SLC25A15: variants seen among roughly 807,000 people sequenced by gnomAD.
The protein encoded by SLC25A15 is solute carrier family 25 member 15, also known as mitochondrial ornithine transporter 1.
A neutral mutation model predicts 32.3 loss-of-function variants in SLC25A15; 24 were observed. That is an observed-to-expected ratio of 0.74 (90% confidence interval 0.54 to 1.04). The LOEUF is 1.04. SLC25A15 is among the 50% of genes least tolerant of loss of function. The pLI, the probability that SLC25A15 is intolerant of heterozygous loss-of-function variation, is 0.00. For synonymous variants in SLC25A15, 132 were observed against 142.1 expected (o/e 0.93, Z 0.51); for missense variants, 317 against 374.5 (o/e 0.85, Z 1.27).
intron 2 of SLC25A15, chr13:40,798,622 T>G: frequency 4.2e-6 from 1 of 238,528 alleles, no homozygotes; most frequent in African/African-American, 2.3e-5. Context: ...GTTTACTGAT[T>G]ACGTAGCCGG....
intron 4 of SLC25A15, among the ~76,000 whole-genome samples, chr13:40,805,775 CT>C (rs1315439634): frequency 2.0e-5 from 3 of 152,200 alleles, no homozygotes; most frequent in Admixed American, 1.3e-4. Context: ...TTAATCAATA[CT>C]TTTATAAGCA....
Position 40,796,162 on chromosome 13 carries a change from G to A in SLC25A15, c.55+2881G>A, listed in dbSNP as rs564852975. Among the ~76,000 whole-genome samples the A allele has an allele frequency of 5.5e-4, 84 of 152,332 alleles. No individual in the cohort carries two copies. In the South Asian group the frequency reaches 0.017, roughly 30 times the overall value. On this transcript the variant is annotated intron_variant, in intron 2 of 6. Transcript: ENST00000338625. ...CGATCCATCTGTAAGCACAGAGCCA[G>A]CTGCAGCCCGAGGTGATGTGGATGG...
At chr13:40,794,963 C>G (rs1258720218) in intron 2 of SLC25A15, among the ~76,000 whole-genome samples, 3 of 152,200 alleles carry the variant, frequency 2.0e-5, no homozygotes, top group African/African-American at 7.2e-5. Context: ...GTCACCGTCA[C>G]CGAGCCTAAT....
intron 5 of SLC25A15, 101 bp downstream of exon 5, chr13:40,807,564 T>C: frequency 3.0e-6 from 4 of 1,332,332 alleles, no homozygotes; most frequent in Non-Finnish European, 4.3e-6. Context: ...CCTCCCCACA[T>C]TGGTGGCTCC....
At position 40,793,140 on chromosome 13, in the gene SLC25A15, A is replaced by G. The variant is rs1290801207; in HGVS notation, c.-69-18A>G. On this transcript the variant is annotated intron_variant, in intron 1 of 6. Coordinates refer to ENST00000338625, the MANE Select transcript of SLC25A15 (RefSeq NM_014252.4). ...TGCTGCAGACTTGGACTAATGGTGAACTCTTGCCTCCCCCCAGGGATATGT... is the reference window on the plus strand; with the variant it reads ...TGCTGCAGACTTGGACTAATGGTGAGCTCTTGCCTCCCCCCAGGGATATGT... The G allele has an allele frequency of 1.5e-6, 2 of 1,357,654 alleles. No homozygotes were observed. The highest frequency in any genetic ancestry group is 2.1e-6 in the Non-Finnish European group (2 of 952,768). 84.1% of individuals were successfully genotyped at this position (1,357,654 alleles called of 1,614,324 possible). A position where few individuals can be genotyped will look rare whatever the true frequency, so the allele number is the denominator to read the frequency against.
rs111506631 is a variant in SLC25A15 at position 40,812,319 on chromosome 13, ATT to A, written c.*2661_*2662del. Among the ~76,000 whole-genome samples, 1 of 150,258 alleles carries A rather than the reference ATT, an allele frequency of 6.7e-6. No individual in the cohort carries two copies. Among genetic ancestry groups the A allele is most frequent in the Non-Finnish European group, 1.5e-5 (1 of 67,454 alleles). ...GAACGGAAACTTAGGTTGGGAGAAT[ATT>A]TTTTTTTTATTCATTCTGTTTGCTT... On this transcript the variant is annotated 3_prime_UTR_variant, in exon 7 of 7. Coordinates refer to ENST00000338625, the MANE Select transcript of SLC25A15 (RefSeq NM_014252.4).
At position 40,809,964 on chromosome 13, in the gene SLC25A15, C is replaced by A. The variant is rs1289380445; in HGVS notation, c.*297C>A. ...AAGGTGGAATATAGTTCTGTCAGGG[C>A]TTTTACGTAAACCTCCACTTGTACA... On this transcript the variant is annotated 3_prime_UTR_variant, in exon 7 of 7. Transcript: ENST00000338625. The A allele has an allele frequency of 5.0e-6, 2 of 400,628 alleles. No individual in the cohort carries two copies. The highest frequency in any genetic ancestry group is 9.4e-6 in the Non-Finnish European group (2 of 212,840). The allele number at this position is 400,628 out of a possible 1,614,324, so 24.8% of individuals were successfully genotyped here.
At position 40,799,635 on chromosome 13, in the gene SLC25A15, C is replaced by T. The variant is rs1380567237; in HGVS notation, c.314+320C>T. ...TTGTCATCATATAAAACTTAGAAAC[C>T]ACATATGCACACCACAGAGGAGACC... On this transcript the variant is annotated intron_variant, in intron 3 of 6. Coordinates refer to ENST00000338625, the MANE Select transcript of SLC25A15 (RefSeq NM_014252.4). Among the ~76,000 whole-genome samples, 4 of 152,162 alleles carry T rather than the reference C, an allele frequency of 2.6e-5. No homozygotes were observed. In the East Asian group the frequency reaches 7.7e-4, roughly 29 times the overall value.
chr13:40,793,314 T>C, intron 2 of SLC25A15, 33 bp downstream of exon 2: 1 of 1,568,758 alleles, frequency 6.4e-7, no homozygotes, highest in Non-Finnish European at 8.8e-7. Context: ...CATGTTTCTG[T>C]CGTTGATGGA....
At chr13:40,796,272 A>G (rs960770557) in intron 2 of SLC25A15, among the ~76,000 whole-genome samples, 48 of 152,112 alleles carry the variant, frequency 3.2e-4, no homozygotes, top group Admixed American at 3.0e-3. Flanking sequence ...CAGCTTATCT[A>G]CTCTAAAGTG....
intron 3 of SLC25A15, among the ~76,000 whole-genome samples, chr13:40,801,245 A>AAT (rs1467312291): frequency 6.0e-5 from 9 of 150,468 alleles, no homozygotes; most frequent in Non-Finnish European, 1.0e-4. Context: ...AAAAAAAAAA[A>AAT]GAAAAGAAAA....
chr13:40,812,318 TA>T lies in SLC25A15; in HGVS notation c.*2652del, dbSNP rs1199270736. 1.3e-5 allele frequency among the ~76,000 whole-genome samples: 2 copies of T among 152,190 alleles called. No homozygotes were observed. The highest frequency in any genetic ancestry group is 1.5e-5 in the Non-Finnish European group (1 of 68,038). On this transcript the variant is annotated 3_prime_UTR_variant, in exon 7 of 7. Coordinates refer to ENST00000338625, the MANE Select transcript of SLC25A15 (RefSeq NM_014252.4). ...GGAACGGAAACTTAGGTTGGGAGAA[TA>T]TTTTTTTTTTATTCATTCTGTTTGC...
intron 4 of SLC25A15, 144 bp downstream of exon 4, chr13:40,805,399 CA>C: frequency 9.9e-7 from 1 of 1,011,258 alleles, no homozygotes; most frequent in Non-Finnish European, 1.5e-6. Flanking sequence ...TTTCCCCTAT[CA>C]GAGATTTTCT....
chr13:40,805,855 G>GAGT (rs1882153461), intron 4 of SLC25A15, among the ~76,000 whole-genome samples: 1 of 152,208 alleles, frequency 6.6e-6, no homozygotes, highest in South Asian at 2.1e-4. Flanking sequence ...TATCCTTTGA[G>GAGT]AGTACTGTTT....
chr13:40,807,583 C>T, intron 5 of SLC25A15, 120 bp downstream of exon 5: 2 of 1,136,272 alleles, frequency 1.8e-6, no homozygotes, highest in Non-Finnish European at 2.6e-6. Context: ...CCATCTGGCA[C>T]AGGGAAGCTT....
In SLC25A15 at chr13:40,793,078, A is replaced by G. The variant is rs1881566068; in HGVS notation, c.-69-80A>G. ...CCCAGGTCATGGCTCCCAGAAGTTT[A>G]GGTTCTGTAATTTGGCTGCAGGCCT... is the stretch of plus-strand genomic sequence containing the variant. On this transcript the variant is annotated intron_variant, in intron 1 of 6. Transcript: ENST00000338625. 16 of 772,038 alleles carry G rather than the reference A, an allele frequency of 2.1e-5. No individual in the cohort carries two copies. In the South Asian group the frequency reaches 2.3e-4, roughly 11 times the overall value. 47.8% of individuals were successfully genotyped at this position (772,038 alleles called of 1,614,324 possible).
chr13:40,806,373 G>A (rs180692935), intron 4 of SLC25A15, among the ~76,000 whole-genome samples: 5 of 152,216 alleles, frequency 3.3e-5, no homozygotes, highest in Admixed American at 3.3e-4. Flanking sequence ...ATATCCAAAG[G>A]ACTTAGGCAG....
chr13:40,798,937 G>A, intron 2 of SLC25A15, 120 bp from the exon 3 acceptor site: 2 of 1,599,226 alleles, frequency 1.3e-6, no homozygotes, highest in Non-Finnish European at 1.7e-6. Flanking sequence ...GGTTTTGGAG[G>A]AAAAGAGGTT....
chr13:40,799,346 GTT>G (rs1566121508), intron 3 of SLC25A15, 31 bp downstream of exon 3: 1 of 1,613,698 alleles, frequency 6.2e-7, no homozygotes, highest in East Asian at 2.2e-5. Context: ...TTTTTTATTT[GTT>G]TAAAAAAACC....
Sources: gnomAD v4.1 joint callset for allele counts (sites outside exome capture counted in the v4.1 genomes callset) on GRCh38, gnomAD v4.1.1 for gene constraint, MANE v1.5 for transcripts, NCBI Gene and HGNC (gene_info 2026-07-23, HGNC 2026-07-21) for gene names.